The following MAN2C1 variants were observed in gnomAD, a reference collection of about 807,000 sequenced individuals.
MAN2C1 encodes alpha-mannosidase 2C1.
A neutral mutation model predicts 126.9 loss-of-function variants in MAN2C1; 111 were observed. That is an observed-to-expected ratio of 0.87 (90% CI 0.75 to 1.02). The LOEUF is 1.02. Among genes scored for constraint, MAN2C1 ranks in the 50% least tolerant of loss-of-function variants. The pLI is 0.00. For missense variants in MAN2C1, 1,363 were observed against 1,364.4 expected (o/e 1.00, Z 0.02); for synonymous variants, 567 against 561.5 (o/e 1.01, Z -0.14).
chr15:75,368,038 C>A (rs754812226), intron 2 of MAN2C1, 35 bp downstream of exon 2: 2 of 1,583,566 alleles, frequency 1.3e-6, no homozygotes, highest in Admixed American at 1.8e-5. Flanking sequence ...TTCCCCTAGG[C>A]CTGTGGCCCC....
In MAN2C1 at chr15:75,362,086, C is replaced by T; in HGVS notation, c.1009-139G>A. On this transcript the variant is annotated intron_variant, in intron 8 of 25. Transcript: ENST00000267978. The surrounding 1 kb of genome is among the most constrained non-coding windows in gnomAD (Gnocchi z 4.5). ...TTACAGCCAGAACTCAGGAAGGGCC[C>T]CTGTCCTTCAGGCCTGACTGTCCAT... 1 of 724,090 alleles carries T rather than the reference C, an allele frequency of 1.4e-6. No individual in the cohort carries two copies. The highest frequency in any genetic ancestry group is 2.6e-5 in the East Asian group (1 of 38,264). The allele number at this position is 724,090 out of a possible 1,614,324, so 44.9% of individuals were successfully genotyped here. A position where few individuals can be genotyped will look rare whatever the true frequency, so the allele number is the denominator to read the frequency against.
chr15:75,359,911 T>C lies in MAN2C1; in HGVS notation c.1784A>G (p.His595Arg), dbSNP rs754195678. ...ACTATTGTGAGCCTAACCTTCATAA[T>C]GGCACATGGCTTCCTCTGCCACCAT... ...IQMVAEEAMC[H>R]YEDIRSHGNT... Residue 595 changes from histidine (H) to arginine (R), a missense_variant, in exon 15 of 26, where the codon CAT (histidine) becomes CGT (arginine). This residue lies in a region of MAN2C1 where 668 missense variants were observed against 650.1 expected (regional missense o/e 1.03). Transcript: ENST00000267978. 15 of 1,612,672 alleles carry C rather than the reference T, an allele frequency of 9.3e-6. 1 individual carries two copies. In the South Asian group the frequency reaches 1.2e-4, roughly 13 times the overall value.
intron 1 of MAN2C1, 65 bp from the exon 2 acceptor site, chr15:75,368,263 G>A: frequency 6.5e-7 from 1 of 1,532,566 alleles, no homozygotes; most frequent in Admixed American, 2.0e-5. Flanking sequence ...GGGCCAGCTG[G>A]CCGGTGGGGC....
rs375169075 is a variant in MAN2C1 at position 75,363,955 on chromosome 15, G to T, written c.790+44C>A. Reference sequence around the variant, plus strand: ...TCTAGGGCACATCCAGGTCTTCAAGGGCACTCCTGCTTCCCCAGCCAGCCC... The same window carrying T: ...TCTAGGGCACATCCAGGTCTTCAAGTGCACTCCTGCTTCCCCAGCCAGCCC... On this transcript the variant is annotated intron_variant, in intron 6 of 25. Coordinates refer to ENST00000267978, the MANE Select transcript of MAN2C1 (RefSeq NM_006715.4). 9.3e-6 allele frequency: 15 copies of T among 1,604,360 alleles called. No homozygotes were observed. The African/African-American group carries it at 1.7e-4, about 19-fold the overall frequency.
At chr15:75,367,934 G>T in intron 2 of MAN2C1, 139 bp downstream of exon 2, 3 of 1,169,074 alleles carry the variant, frequency 2.6e-6, no homozygotes, top group Non-Finnish European at 3.5e-6. Context: ...CCAGCAGAGG[G>T]TGCTGCTCCC....
intron 18 of MAN2C1, 109 bp downstream of exon 18, chr15:75,358,950 C>G: frequency 6.6e-7 from 1 of 1,520,792 alleles, no homozygotes; most frequent in Non-Finnish European, 9.0e-7. Context: ...TGGGTTCCAG[C>G]CCAGAGCCAC....
In MAN2C1 at chr15:75,358,717, G is replaced by A. The variant is rs2072398271; in HGVS notation, c.2233C>T (p.His745Tyr). The change falls in exon 19 of 26, where the codon CAC (histidine) becomes TAC (tyrosine). Residue 745 changes from histidine (H) to tyrosine (Y), a missense_variant. Around this residue, in one of 3 missense-constraint regions of MAN2C1, gnomAD observed 668 missense variants for 650.1 expected, o/e 1.03. Transcript: ENST00000267978. ...CCCAGCCTATACCGTGTCTCCAGGT[G>A]GTAGTCCATGACGTCCCATGCATCC... ...YWDAWDVMDYHLETRKPVLGQ... is the reference protein window; with the variant it reads ...YWDAWDVMDYYLETRKPVLGQ... 6.2e-7 allele frequency: 1 copy of A among 1,614,012 alleles called. No individual in the cohort carries two copies.
chr15:75,360,275 C>A, intron 13 of MAN2C1, 64 bp from the exon 14 acceptor site: 5 of 1,584,984 alleles, frequency 3.2e-6, no homozygotes, highest in Non-Finnish European at 4.3e-6. Context: ...CCTTCCAAAG[C>A]CCTCCCTTGC....
rs573810944 is a variant in MAN2C1 at position 75,361,094 on chromosome 15, G to A, written c.1412C>T (p.Thr471Ile). 9.4e-5 allele frequency: 152 copies of A among 1,612,676 alleles called. 4 individuals carry two copies. The South Asian group carries it at 1.6e-3, about 17-fold the overall frequency. ...FGDGGGGPTQ[T>I]MLDRLKRLSN... ...CAGGCGCTTCAGGCGGTCCAGCATGGTCTGGGTGGGGCCACCACCCCCATC... is the reference window on the plus strand; with the variant it reads ...CAGGCGCTTCAGGCGGTCCAGCATGATCTGGGTGGGGCCACCACCCCCATC... The change falls in exon 12 of 26, where the codon ACC becomes ATC. Residue 471 changes from threonine to isoleucine, a missense_variant. Transcript: ENST00000267978. This position sits in a 1 kb window ranked among gnomAD's most constrained non-coding sequence, Gnocchi z 5.0.
At position 75,361,268 on chromosome 15, in the gene MAN2C1, C is replaced by T. The variant is rs1325961410; in HGVS notation, c.1314+18G>A. 1 of 1,575,480 alleles carries T rather than the reference C, an allele frequency of 6.3e-7. No individual in the cohort carries two copies. Among genetic ancestry groups the T allele is most frequent in the Admixed American group, 1.9e-5 (1 of 52,598 alleles). ...TCTCCAGCCTGCCCCTACCCCACCA[C>T]CCTAGGTGACCCCTCACCTCCTCCA... On this transcript the variant is annotated intron_variant, in intron 11 of 25. Coordinates refer to ENST00000267978, the MANE Select transcript of MAN2C1 (RefSeq NM_006715.4). This position sits in a 1 kb window ranked among gnomAD's most constrained non-coding sequence, Gnocchi z 5.0.
rs776334473 is a variant in MAN2C1, at chr15:75,356,437, T to G, written c.2750A>C (p.Asp917Ala). ...ALMPHKGSFQ[D>A]AGVIQAAYSL... ...GTAGGCAGCTTGGATAACGCCAGCA[T>G]CCTGGAAAGAGCCTGGGGTACGACC... Residue 917 changes from aspartate to alanine, a missense_variant, in exon 24 of 26, where the codon GAT becomes GCT. Transcript: ENST00000267978. This position sits in a 1 kb window ranked among gnomAD's most constrained non-coding sequence, Gnocchi z 5.8. The G allele has an allele frequency of 8.7e-6, 14 of 1,602,344 alleles. No homozygotes were observed. The highest frequency in any genetic ancestry group is 2.2e-5 in the East Asian group (1 of 44,682).
In MAN2C1 at chr15:75,359,787, CT is replaced by C; in HGVS notation, c.1793-13del. ...ATGGGAACGGATGTCTGAGGAAAGA[CT>C]GGCTGGTCATAGGTGGGCAACAGGT... On this transcript the variant is annotated splice_polypyrimidine_tract_variant and intron_variant, in intron 15 of 25. Transcript: ENST00000267978. 6.2e-7 allele frequency: 1 copy of C among 1,613,812 alleles called. No individual in the cohort carries two copies. Among genetic ancestry groups the C allele is most frequent in the Non-Finnish European group, 8.5e-7 (1 of 1,179,914 alleles).
Position 75,364,138 on chromosome 15 carries a change from A to G in MAN2C1, c.651T>C (p.Asn217=). 1 of 1,614,022 alleles carries G rather than the reference A, an allele frequency of 6.2e-7. No homozygotes were observed. The highest frequency in any genetic ancestry group is 8.5e-7 in the Non-Finnish European group (1 of 1,179,986). The change falls in exon 6 of 26, where the codon AAT becomes AAC. Residue 217 remains asparagine, a synonymous_variant. Coordinates refer to ENST00000267978, the MANE Select transcript of MAN2C1 (RefSeq NM_006715.4). The part of the protein sequence containing the change: ...QRSFQALYTA[N]QMVNVCDPAQ... ...CAGGGTCACACACGTTCACCATCTG[A>G]TTGGCTGTGTACAGGGCCTGGAAGC...
At chr15:75,360,423 G>T (rs1024176916) in intron 13 of MAN2C1, 142 bp downstream of exon 13, 1 of 1,372,946 alleles carries the variant, frequency 7.3e-7, no homozygotes, top group Non-Finnish European at 9.7e-7. Flanking sequence ...AAGCTTTCTT[G>T]ACCAACCCAG....
Position 75,361,445 on chromosome 15 carries a change from C to T in MAN2C1, c.1219-64G>A. On this transcript the variant is annotated intron_variant, in intron 10 of 25. Transcript: ENST00000267978. The surrounding 1 kb of genome is among the most constrained non-coding windows in gnomAD (Gnocchi z 5.0). ...AGTCAGGGCTGAGGCAGAGCCAGGCCTTCCAGACTTGGTCCTGCCCCTGCC... is the reference window on the plus strand; with the variant it reads ...AGTCAGGGCTGAGGCAGAGCCAGGCTTTCCAGACTTGGTCCTGCCCCTGCC... 2 of 1,395,460 alleles carry T rather than the reference C, an allele frequency of 1.4e-6. No homozygotes were observed. Among genetic ancestry groups the T allele is most frequent in the Middle Eastern group, 1.8e-4 (1 of 5,462 alleles). 86.4% of individuals were successfully genotyped at this position (1,395,460 alleles called of 1,614,324 possible). A position where few individuals can be genotyped will look rare whatever the true frequency, so the allele number is the denominator to read the frequency against.
intron 1 of MAN2C1, 90 bp downstream of exon 1, chr15:75,368,393 C>G: frequency 6.9e-7 from 1 of 1,445,048 alleles, no homozygotes; most frequent in Non-Finnish European, 9.4e-7. Context: ...GTCCCGCGGC[C>G]CGGGTGGCTG....
chr15:75,356,380 G>T lies in MAN2C1; in HGVS notation c.2807C>A (p.Ala936Asp). The stretch of plus-strand genomic sequence containing the variant: ...GGAGGTGGCGGGCGCTGGGCTGGGG[G>T]CTGGCAGAGCCAACAGGGGGAAGTT... ...SLNFPLLALPAPSPAPATSWS... is the reference protein window; with the variant it reads ...SLNFPLLALPDPSPAPATSWS... The change falls in exon 24 of 26, where the codon GCC becomes GAC. Residue 936 changes from alanine (A) to aspartate (D), a missense_variant. Ala to Asp is a moderately radical substitution (Grantham distance 126). Transcript: ENST00000267978. The surrounding 1 kb of genome is among the most constrained non-coding windows in gnomAD (Gnocchi z 5.8). The T allele has an allele frequency of 6.2e-7, 1 of 1,611,606 alleles. No homozygotes were observed. Among genetic ancestry groups the T allele is most frequent in the Admixed American group, 1.7e-5 (1 of 59,568 alleles).
intron 3 of MAN2C1, 100 bp from the exon 4 acceptor site, chr15:75,366,692 G>T: frequency 1.2e-6 from 1 of 833,716 alleles, no homozygotes; most frequent in Non-Finnish European, 1.8e-6. Flanking sequence ...CTGGTTCCCA[G>T]CTCTGGGTCC....
intron 4 of MAN2C1, chr15:75,366,037 C>T (rs775511420): frequency 4.9e-5 from 18 of 366,656 alleles, no homozygotes; most frequent in East Asian, 2.6e-4. Context: ...CAGTGAGCTG[C>T]GATCGTGCTA....
Sources: allele counts gnomAD v4.1 joint callset, GRCh38; gene constraint gnomAD v4.1.1; regional missense constraint gnomAD v4.1.1; non-coding constraint Gnocchi (gnomAD v3.1); transcripts MANE v1.5; gene names NCBI Gene and HGNC (gene_info 2026-07-23, HGNC 2026-07-21).